Variants in TNPO3 observed in about 807,000 individuals in gnomAD.
The protein encoded by TNPO3 is transportin 3.
Under a neutral mutation model 122.8 loss-of-function variants are expected in TNPO3, and 65 were observed. The ratio of observed to expected loss-of-function variants is 0.53; its 90% CI spans 0.43 to 0.65. The LOEUF (loss-of-function observed/expected upper bound fraction) is 0.65, where lower values mean the gene tolerates loss of function less well. Ranked by LOEUF, TNPO3 falls within the 30% of genes least tolerant of loss-of-function variation. TNPO3 has a pLI of 0.00. For synonymous variants in TNPO3, 372 were observed against 411.2 expected (o/e 0.90, Z 1.15); for missense variants, 850 against 1,136.7 (o/e 0.75, Z 3.63).
intron 1 of TNPO3, among the ~76,000 whole-genome samples, chr7:129,019,989 AAAAAAACTT>A (rs1804281406): frequency 1.3e-5 from 2 of 151,960 alleles, no homozygotes; most frequent in African/African-American, 4.8e-5. Flanking sequence ...GTGAGACCCT[AAAAAAACTT>A]AAAAAATAAA....
At chr7:128,987,001 CT>C (rs1326624887) in intron 11 of TNPO3, 81 bp from the exon 12 acceptor site, 69 of 1,415,148 alleles carry the variant, frequency 4.9e-5, no homozygotes, top group Non-Finnish European at 6.1e-5. Flanking sequence ...GGTATACTTG[CT>C]TTTCTTTTTT....
intron 14 of TNPO3, 75 bp downstream of exon 14, chr7:128,982,173 C>G: frequency 7.7e-7 from 1 of 1,290,916 alleles, no homozygotes; most frequent in Non-Finnish European, 1.1e-6. Flanking sequence ...GGAAAAAATA[C>G]TTGCTTACTT....
At chr7:129,002,478 T>C (rs1415116197) in intron 5 of TNPO3, among the ~76,000 whole-genome samples, 2 of 152,208 alleles carry the variant, frequency 1.3e-5, no homozygotes, top group East Asian at 3.8e-4. Context: ...CTTGAATAAT[T>C]TTTTTAAAAG....
chr7:128,970,061 A>G, intron 20 of TNPO3, 87 bp downstream of exon 20: 7 of 1,527,514 alleles, frequency 4.6e-6, no homozygotes, highest in Non-Finnish European at 4.5e-6. Context: ...AAACAGGGCT[A>G]GTTTCAAAAT....
At chr7:129,013,721 A>G (rs1052859322) in intron 4 of TNPO3, among the ~76,000 whole-genome samples, 1 of 152,184 alleles carries the variant, frequency 6.6e-6, no homozygotes, top group Non-Finnish European at 1.5e-5. Context: ...CAACCTAAGT[A>G]CCTATCAACG....
intron 1 of TNPO3, among the ~76,000 whole-genome samples, chr7:129,052,765 T>C (rs1466141712): frequency 6.6e-6 from 1 of 152,220 alleles, no homozygotes; most frequent in Non-Finnish European, 1.5e-5. Context: ...TGCTGGCACA[T>C]GGTAAGCACT....
At position 128,991,914 on chromosome 7, in the gene TNPO3, A is replaced by G. The variant is rs117637375; in HGVS notation, c.1358+85T>C. On this transcript the variant is annotated intron_variant, in intron 10 of 22. Coordinates refer to ENST00000265388, the MANE Select transcript of TNPO3 (RefSeq NM_012470.4). ...AGAAGTTCTGAAAGTCTCCAGGTAT[A>G]TACCATATAAGAAAAAAAAAATAGT... 4.1e-4 allele frequency: 367 copies of G among 892,670 alleles called. 1 individual carries two copies. The highest frequency in any genetic ancestry group is 1.2e-3 in the Admixed American group (48 of 40,456). 55.3% of individuals were successfully genotyped at this position (892,670 alleles called of 1,614,324 possible). A position where few individuals can be genotyped will look rare whatever the true frequency, so the allele number is the denominator to read the frequency against.
intron 9 of TNPO3, among the ~76,000 whole-genome samples, chr7:128,992,792 A>AATGAT (rs3993429): frequency 0.63 from 95,715 of 151,444 alleles, 30,550 homozygotes; most frequent in Middle Eastern, 0.7. Flanking sequence ...AATTTTAATT[A>AATGAT]ATAACTTTTT....
chr7:129,038,507 T>A (rs560828108), intron 1 of TNPO3, among the ~76,000 whole-genome samples: 1 of 152,312 alleles, frequency 6.6e-6, no homozygotes, highest in Admixed American at 6.5e-5. Context: ...TATAAATTGT[T>A]CTATCATAAA....
At chr7:129,001,946 G>A (rs543244579) in intron 5 of TNPO3, among the ~76,000 whole-genome samples, 50 of 152,244 alleles carry the variant, frequency 3.3e-4, no homozygotes, top group African/African-American at 1.1e-3. Flanking sequence ...GGCTCAACAA[G>A]TATCAAAGAC....
chr7:129,017,882 G>T, intron 2 of TNPO3, 75 bp downstream of exon 2: 1 of 1,439,360 alleles, frequency 6.9e-7, no homozygotes, highest in Non-Finnish European at 9.7e-7. Flanking sequence ...ACATGGCCTA[G>T]CAATACGAAT....
chr7:129,012,856 G>A (rs1429543700), intron 4 of TNPO3, among the ~76,000 whole-genome samples: 1 of 151,990 alleles, frequency 6.6e-6, no homozygotes, highest in Non-Finnish European at 1.5e-5. Flanking sequence ...CCAAAATAAT[G>A]GACAAAATAT....
intron 11 of TNPO3, among the ~76,000 whole-genome samples, chr7:128,989,236 C>T (rs1280327332): frequency 2.6e-5 from 4 of 152,006 alleles, no homozygotes; most frequent in African/African-American, 9.7e-5. Context: ...AGTAAAAAGG[C>T]GATAATAAAG....
intron 1 of TNPO3, among the ~76,000 whole-genome samples, chr7:129,052,752 A>G (rs960854737): frequency 6.6e-6 from 1 of 152,252 alleles, no homozygotes; most frequent in Non-Finnish European, 1.5e-5. Flanking sequence ...CACCCAGCAT[A>G]GTTGCTGGCA....
In TNPO3 at chr7:129,036,031, G is replaced by A. The variant is rs1047631016; in HGVS notation, c.121-17874C>T. Reference sequence around the variant, plus strand: ...TGCAGTGGTGTGATCTCAGCTCACTGTAATCACCGCCTCCCGGATTCAAGT... The same window carrying A: ...TGCAGTGGTGTGATCTCAGCTCACTATAATCACCGCCTCCCGGATTCAAGT... On this transcript the variant is annotated intron_variant, in intron 1 of 22. Transcript: ENST00000265388. Among the ~76,000 whole-genome samples, 49 of 138,452 alleles carry A rather than the reference G, an allele frequency of 3.5e-4. No homozygotes were observed. In the Admixed American group the frequency reaches 4.1e-3, roughly 12 times the overall value. The allele number at this position is 138,452 out of a possible 152,430, so 90.8% of individuals were successfully genotyped here.
chr7:128,963,219 A>G (rs2128983608), intron 21 of TNPO3, among the ~76,000 whole-genome samples: 1 of 152,318 alleles, frequency 6.6e-6, no homozygotes, highest in Non-Finnish European at 1.5e-5. Context: ...TGATAAATAA[A>G]CTGAAGTTCA....
intron 14 of TNPO3, among the ~76,000 whole-genome samples, chr7:128,981,993 T>C (rs1799672294): frequency 1.3e-5 from 2 of 152,132 alleles, no homozygotes; most frequent in African/African-American, 2.4e-5. Flanking sequence ...GCCTCCCAGG[T>C]GCTGGGATTA....
At chr7:128,970,509 T>C (rs986033878) in intron 19 of TNPO3, among the ~76,000 whole-genome samples, 194 bp from the exon 20 acceptor site, 1 of 152,112 alleles carries the variant, frequency 6.6e-6, no homozygotes, top group African/African-American at 2.4e-5. Context: ...TTTTTGTCTT[T>C]AGAAAGAAAA....
rs1260770427 is a variant in TNPO3, at chr7:129,002,308, CA to C, written c.697-1075del. On this transcript the variant is annotated intron_variant, in intron 5 of 22. Coordinates refer to ENST00000265388, the MANE Select transcript of TNPO3 (RefSeq NM_012470.4). Reference sequence around the variant, plus strand: ...AACAGCTAACCTAATCCAGAAAGCACAGTAAAGACAAGTCCCAAGATGACAG... The same window carrying C: ...AACAGCTAACCTAATCCAGAAAGCACGTAAAGACAAGTCCCAAGATGACAG... 8.5e-5 allele frequency among the ~76,000 whole-genome samples: 13 copies of C among 152,274 alleles called. No homozygotes were observed. The East Asian group carries it at 2.5e-3, about 29-fold the overall frequency.
Sources: gnomAD v4.1 joint callset for allele counts (sites outside exome capture counted in the v4.1 genomes callset) on GRCh38, gnomAD v4.1.1 for gene constraint, MANE v1.5 for transcripts, NCBI Gene and HGNC (gene_info 2026-07-23, HGNC 2026-07-21) for gene names.